IQCM: variants seen among roughly 807,000 people sequenced by gnomAD.
IQCM encodes the protein IQ motif containing M.
A neutral mutation model predicts 57.6 loss-of-function variants in IQCM; 45 were observed. That is an observed-to-expected ratio of 0.78 (90% confidence interval 0.62 to 1.00). IQCM has a LOEUF of 1.00. IQCM is among the 50% of genes least tolerant of loss of function. The pLI is 0.00. For synonymous variants in IQCM, 148 were observed against 158.9 expected (o/e 0.93, Z 0.51); for missense variants, 468 against 511.6 (o/e 0.91, Z 0.82).
At chr4:149,543,926 T>C (rs1342519152) in intron 12 of IQCM, among the ~76,000 whole-genome samples, 3 of 152,052 alleles carry the variant, frequency 2.0e-5, no homozygotes, top group Admixed American at 1.3e-4. Context: ...TTTATCAAAG[T>C]CTAAAAAATT....
intron 13 of IQCM, among the ~76,000 whole-genome samples, chr4:149,424,078 C>T (rs1294986317): frequency 6.6e-6 from 1 of 151,794 alleles, no homozygotes; most frequent in Non-Finnish European, 1.5e-5. Context: ...GCACAAATAC[C>T]TACTATGGGC....
At chr4:149,672,999 C>A (rs1579949643) in intron 7 of IQCM, among the ~76,000 whole-genome samples, 1 of 152,096 alleles carries the variant, frequency 6.6e-6, no homozygotes, top group Admixed American at 6.6e-5. Context: ...TAATTTTCAA[C>A]TCAGAATTTC....
chr4:149,432,749 G>A (rs951024496), intron 13 of IQCM, among the ~76,000 whole-genome samples: 2 of 151,840 alleles, frequency 1.3e-5, no homozygotes, highest in Non-Finnish European at 2.9e-5. Context: ...TAAATTATTT[G>A]TATTCAGAAT....
chr4:149,368,112 A>G (rs1391456732), intron 13 of IQCM, among the ~76,000 whole-genome samples: 1 of 152,086 alleles, frequency 6.6e-6, no homozygotes, highest in Middle Eastern at 3.2e-3. Context: ...TGAAATTTAT[A>G]TAAAAACAAA....
At chr4:149,588,771 T>C (rs1251216066) in intron 8 of IQCM, among the ~76,000 whole-genome samples, 3 of 151,916 alleles carry the variant, frequency 2.0e-5, no homozygotes, top group African/African-American at 7.2e-5. Context: ...TAAATTTATG[T>C]TGTTTAGTCT....
intron 2 of IQCM, among the ~76,000 whole-genome samples, chr4:149,813,419 G>C (rs778314507): frequency 6.6e-6 from 1 of 152,056 alleles, no homozygotes; most frequent in Admixed American, 6.6e-5. Flanking sequence ...TTAAAGCTGA[G>C]AAGCAGGTGG....
In IQCM at chr4:149,806,076, A is replaced by T. The variant is rs1193411820; in HGVS notation, c.-49+9235T>A. Among the ~76,000 whole-genome samples the T allele has an allele frequency of 2.6e-5, 4 of 151,934 alleles. No individual in the cohort carries two copies. The East Asian group carries it at 5.8e-4, about 22-fold the overall frequency. On this transcript the variant is annotated intron_variant, in intron 2 of 13. Coordinates refer to ENST00000636793, the MANE Select transcript of IQCM (RefSeq NM_001363507.2). ...AAAATGAGCTATGATATTCTGCCAA[A>T]TGAAATAGAAACTTTGATTGTCAAA...
intron 12 of IQCM, among the ~76,000 whole-genome samples, chr4:149,491,447 A>G (rs1189015467): frequency 3.3e-5 from 5 of 152,172 alleles, no homozygotes; most frequent in Non-Finnish European, 5.9e-5. Flanking sequence ...GTAAACCATC[A>G]TTCTACTTTC....
intron 13 of IQCM, among the ~76,000 whole-genome samples, chr4:149,377,263 T>C (rs755151820): frequency 2.0e-5 from 3 of 152,270 alleles, no homozygotes; most frequent in Middle Eastern, 3.4e-3. Context: ...ATACAACATA[T>C]TGAAATCTTT....
chr4:149,719,857 G>A (rs1765302494), intron 5 of IQCM, among the ~76,000 whole-genome samples: 4 of 152,172 alleles, frequency 2.6e-5, no homozygotes, highest in Admixed American at 2.6e-4. Flanking sequence ...ACTCCAAGTA[G>A]AGGAGTATTT....
At chr4:149,553,796 T>C (rs1749272543) in intron 10 of IQCM, among the ~76,000 whole-genome samples, 1 of 152,218 alleles carries the variant, frequency 6.6e-6, no homozygotes, top group Non-Finnish European at 1.5e-5. Context: ...TTCAAGAAAT[T>C]AACCCTTTTC....
intron 12 of IQCM, among the ~76,000 whole-genome samples, chr4:149,531,087 T>C (rs772494265): frequency 1.8e-4 from 28 of 152,158 alleles, no homozygotes; most frequent in Admixed American, 1.3e-3. Flanking sequence ...GGGATTCATG[T>C]GAAAAAGTTT....
At chr4:149,701,482 A>G (rs1763767503) in intron 5 of IQCM, among the ~76,000 whole-genome samples, 1 of 152,004 alleles carries the variant, frequency 6.6e-6, no homozygotes, top group East Asian at 1.9e-4. Context: ...TTTGAGAATA[A>G]AGGTTGTTTT....
chr4:149,385,435 C>T (rs1731355296), intron 13 of IQCM, among the ~76,000 whole-genome samples: 1 of 151,886 alleles, frequency 6.6e-6, no homozygotes, highest in South Asian at 2.1e-4. Context: ...TAGAGGTGAC[C>T]CTTGAGCTCA....
chr4:149,597,134 C>T (rs1037125684), intron 8 of IQCM, among the ~76,000 whole-genome samples: 1 of 151,536 alleles, frequency 6.6e-6, no homozygotes. Context: ...AAGTAACAAT[C>T]GACATTATAA....
At chr4:149,680,076 G>T (rs747122320) in intron 7 of IQCM, among the ~76,000 whole-genome samples, 4 of 151,270 alleles carry the variant, frequency 2.6e-5, no homozygotes, top group Admixed American at 6.6e-5. Flanking sequence ...AATTATAAAA[G>T]AATGTTGTGG....
intron 12 of IQCM, among the ~76,000 whole-genome samples, chr4:149,538,937 C>T (rs548135797): frequency 2.6e-5 from 4 of 151,756 alleles, no homozygotes; most frequent in Non-Finnish European, 4.4e-5. Flanking sequence ...AGAATTTGTA[C>T]CCAGAATAGA....
In IQCM at chr4:149,598,926, A is replaced by G. The variant is rs2150027459; in HGVS notation, c.682-10929T>C. Among the ~76,000 whole-genome samples the G allele has an allele frequency of 1.3e-5, 2 of 152,232 alleles. 1 individual carries two copies. Among genetic ancestry groups the G allele is most frequent in the Admixed American group, 1.3e-4 (2 of 15,282 alleles). ...AGCTGCTTATAGCTAGTGGCAATCA[A>G]TTATTCAGGTAATCAATAATCAGTT... On this transcript the variant is annotated intron_variant, in intron 8 of 13. Coordinates refer to ENST00000636793, the MANE Select transcript of IQCM (RefSeq NM_001363507.2).
intron 13 of IQCM, among the ~76,000 whole-genome samples, chr4:149,382,266 T>C (rs1011674379): frequency 1.3e-5 from 2 of 152,088 alleles, no homozygotes; most frequent in African/African-American, 2.4e-5. Context: ...ATAATAAAAA[T>C]ACTTGTGGGG....
Sources: gnomAD v4.1 joint callset for allele counts (sites outside exome capture counted in the v4.1 genomes callset) on GRCh38, gnomAD v4.1.1 for gene constraint, MANE v1.5 for transcripts, NCBI Gene and HGNC (gene_info 2026-07-23, HGNC 2026-07-21) for gene names.